Variants in FREM1 observed in about 807,000 individuals in gnomAD.
FREM1 encodes the protein FRAS1 related extracellular matrix 1, also known as FRAS1-related extracellular matrix protein 1.
FREM1 carries 220 observed loss-of-function variants against 210.1 expected under a neutral mutation model. The observed-to-expected ratio is 1.05, with a 90% confidence interval of 0.94 to 1.17. The LOEUF is 1.17. Among genes scored for constraint, FREM1 ranks in the 50% most tolerant of loss-of-function variants. The pLI is 0.00. For missense variants in FREM1, 3,454 were observed against 2,675.5 expected, an observed-to-expected ratio of 1.29 and a Z score of -6.42; for synonymous variants, 1,189 against 980.2, an observed-to-expected ratio of 1.21 and a Z score of -3.98.
At chr9:14,868,625 A>C (rs1831985299) in intron 2 of FREM1, 119 bp downstream of exon 2, 4 of 682,298 alleles carry the variant, frequency 5.9e-6, no homozygotes, top group Middle Eastern at 2.5e-4. Flanking sequence ...ACATCTTCTA[A>C]TACTCGTCTT....
At position 14,737,370 on chromosome 9, in the gene FREM1, G is replaced by A. The variant is rs1200830434; in HGVS notation, c.*26C>T. 1 of 1,572,086 alleles carries A rather than the reference G, an allele frequency of 6.4e-7. No individual in the cohort carries two copies. Among genetic ancestry groups the A allele is most frequent in the South Asian group, 1.1e-5 (1 of 87,850 alleles). On this transcript the variant is annotated 3_prime_UTR_variant, in exon 37 of 37. Coordinates refer to ENST00000380880, the MANE Select transcript of FREM1 (RefSeq NM_001379081.2). Reference sequence around the variant, plus strand: ...TGAATAAATAGGTGACAAACTCCAGGTGGCCCCCTGTAGGGTCTGTTATAT... The same window carrying A: ...TGAATAAATAGGTGACAAACTCCAGATGGCCCCCTGTAGGGTCTGTTATAT...
intron 1 of FREM1, among the ~76,000 whole-genome samples, chr9:14,889,819 TGAATATAA>T (rs1359117227): frequency 6.6e-6 from 1 of 152,142 alleles, no homozygotes; most frequent in African/African-American, 2.4e-5. Context: ...TAAAATTTAT[TGAATATAA>T]GTGCCATGTG....
rs1470486327 is a variant in FREM1 at position 14,808,099 on chromosome 9, T to G, written c.2929A>C (p.Ile977Leu). The G allele has an allele frequency of 1.9e-6, 3 of 1,612,452 alleles. No homozygotes were observed. In the Admixed American group the frequency reaches 5.0e-5, roughly 27 times the overall value. ...TCTCCATCCGAAACCACCAATGTAA[T>G]GGTGTCAAAACAAGGCATCAGGCCA... ...EIGLMPCFDT[I>L]TLVVSDGEAG... The change falls in exon 17 of 37, where the codon ATT becomes CTT. Residue 977 changes from isoleucine to leucine, a missense_variant. Coordinates refer to ENST00000380880, the MANE Select transcript of FREM1 (RefSeq NM_001379081.2).
chr9:14,781,165 G>C (rs886430147), intron 24 of FREM1, among the ~76,000 whole-genome samples: 3 of 152,138 alleles, frequency 2.0e-5, no homozygotes, highest in Non-Finnish European at 4.4e-5. Context: ...TTGCCTCTTG[G>C]AACCTTGGTT....
chr9:14,879,562 A>C (rs1302827262), intron 1 of FREM1, among the ~76,000 whole-genome samples: 1 of 152,242 alleles, frequency 6.6e-6, no homozygotes, highest in Non-Finnish European at 1.5e-5. Context: ...TCCATAGTGG[A>C]AACTGCAAGC....
chr9:14,814,967 C>CA lies in FREM1; in HGVS notation c.2640+1810dup, dbSNP rs548937866. Among the ~76,000 whole-genome samples, 345 of 152,134 alleles carry CA rather than the reference C, an allele frequency of 2.3e-3. 3 individuals carry two copies. Among genetic ancestry groups the CA allele is most frequent in the African/African-American group, 8.1e-3 (335 of 41,524 alleles). On this transcript the variant is annotated intron_variant, in intron 15 of 36. Transcript: ENST00000380880. The stretch of plus-strand genomic sequence containing the variant: ...TTTCCCCACAAATTTGCTTTTCAGA[C>CA]AAAAAAAGTAACTCAGAAAGTTTTG...
chr9:14,768,921 G>C (rs1018283142), intron 27 of FREM1, among the ~76,000 whole-genome samples: 24 of 151,952 alleles, frequency 1.6e-4, no homozygotes, highest in African/African-American at 4.8e-4. Flanking sequence ...CTTTTCTTTG[G>C]GGTTTCTGGG....
At chr9:14,846,369 G>C (rs1826617521) in intron 7 of FREM1, among the ~76,000 whole-genome samples, 1 of 152,136 alleles carries the variant, frequency 6.6e-6, no homozygotes. Context: ...GGGGGTAGAG[G>C]GGAAAGGGGA....
rs575077313 is a variant in FREM1 at position 14,873,763 on chromosome 9, G to T, written c.-267-4519C>A. On this transcript the variant is annotated intron_variant, in intron 1 of 36. Transcript: ENST00000380880. The stretch of plus-strand genomic sequence containing the variant: ...TAGTTCTTTAAATTGTGATGTTAGG[G>T]TGTCAATTTTGGATCTTTCCTGCTT... Among the ~76,000 whole-genome samples the T allele has an allele frequency of 2.0e-5, 3 of 152,200 alleles. No homozygotes were observed. The East Asian group carries it at 5.8e-4, about 29-fold the overall frequency.
Position 14,859,065 on chromosome 9 carries a change from G to A in FREM1, c.631+118C>T, listed in dbSNP as rs1369690161. ...GTGCTCTTAACCACTAACTGACACT[G>A]TTCAGCCAGCTAAAATGACTAGTTA... On this transcript the variant is annotated intron_variant, in intron 4 of 36. Coordinates refer to ENST00000380880, the MANE Select transcript of FREM1 (RefSeq NM_001379081.2). 22 of 801,018 alleles carry A rather than the reference G, an allele frequency of 2.7e-5. 1 individual carries two copies. In the South Asian group the frequency reaches 4.0e-4, roughly 15 times the overall value. The allele number at this position is 801,018 out of a possible 1,614,324, so 49.6% of individuals were successfully genotyped here.
intron 27 of FREM1, among the ~76,000 whole-genome samples, chr9:14,764,072 A>G (rs953525482): frequency 2.0e-5 from 3 of 152,164 alleles, no homozygotes; most frequent in African/African-American, 7.2e-5. Flanking sequence ...TAACTGAATC[A>G]TGGGGGTGGT....
At chr9:14,840,591 A>T (rs1373427641) in intron 10 of FREM1, among the ~76,000 whole-genome samples, 1 of 151,938 alleles carries the variant, frequency 6.6e-6, no homozygotes, top group Non-Finnish European at 1.5e-5. Context: ...GGAAAAACCC[A>T]CCCCCATGAT....
intron 22 of FREM1, among the ~76,000 whole-genome samples, chr9:14,791,629 G>C (rs4740588): frequency 2.0e-5 from 3 of 152,072 alleles, no homozygotes; most frequent in Admixed American, 6.5e-5. Flanking sequence ...CTGAACTTTC[G>C]TCTTTTAAGT....
intron 16 of FREM1, among the ~76,000 whole-genome samples, chr9:14,812,360 T>A (rs745483464): frequency 3.9e-5 from 6 of 152,170 alleles, no homozygotes; most frequent in Non-Finnish European, 8.8e-5. Context: ...GGTAAGACAT[T>A]ATCGTTACTT....
intron 36 of FREM1, among the ~76,000 whole-genome samples, chr9:14,739,009 C>CA (rs386414499): frequency 0.29 from 25,683 of 87,654 alleles, 4,859 homozygotes; most frequent in South Asian, 0.39. Flanking sequence ...GATTCTGTCT[C>CA]AAAAAAAAAA....
Position 14,860,572 on chromosome 9 carries a change from C to CATATATATATACACATATATATACACAT in FREM1, c.330-1089_330-1088insATGTGTATATATATGTGTATATATATAT, listed in dbSNP as rs759870876. Among the ~76,000 whole-genome samples the CATATATATATACACATATATATACACAT allele has an allele frequency of 7.0e-4, 62 of 88,006 alleles. 4 individuals carry two copies. The highest frequency in any genetic ancestry group is 2.8e-3 in the African/African-American group (58 of 20,800). 57.7% of individuals were successfully genotyped at this position (88,006 alleles called of 152,430 possible). The stretch of plus-strand genomic sequence containing the variant: ...ATATATATACACACATATATATACA[C>CATATATATATACACATATATATACACAT]ATATATATACACATATATATACATA... On this transcript the variant is annotated intron_variant, in intron 3 of 36. Coordinates refer to ENST00000380880, the MANE Select transcript of FREM1 (RefSeq NM_001379081.2).
Position 14,868,765 on chromosome 9 carries a change from C to T in FREM1, c.213G>A (p.Arg71=). 1.2e-6 allele frequency: 2 copies of T among 1,611,642 alleles called. No homozygotes were observed. Among genetic ancestry groups the T allele is most frequent in the Non-Finnish European group, 8.5e-7 (1 of 1,178,812 alleles). The part of the protein sequence containing the change: ...EVVMNEPITQ[R]VGKLTPQVFD... ...CTACCTGTGGAGTGAGTTTCCCAAC[C>T]CTCTGGGTTATTGGCTCATTCATCA... The change falls in exon 2 of 37, where the codon AGG becomes AGA. Residue 71 remains arginine, a synonymous_variant. Transcript: ENST00000380880.
At chr9:14,889,868 CAGAA>C (rs1194860778) in intron 1 of FREM1, among the ~76,000 whole-genome samples, 1 of 152,062 alleles carries the variant, frequency 6.6e-6, no homozygotes, top group Non-Finnish European at 1.5e-5. Context: ...AAAATGAAGA[CAGAA>C]AGAAACATTA....
At chr9:14,871,356 G>A (rs1438519235) in intron 1 of FREM1, among the ~76,000 whole-genome samples, 2 of 152,180 alleles carry the variant, frequency 1.3e-5, no homozygotes, top group Non-Finnish European at 2.9e-5. Context: ...TCTAACTGGT[G>A]TGAGATGGTA....
Sources: gnomAD v4.1 joint callset for allele counts (sites outside exome capture counted in the v4.1 genomes callset) on GRCh38, gnomAD v4.1.1 for gene constraint, MANE v1.5 for transcripts, NCBI Gene and HGNC (gene_info 2026-07-23, HGNC 2026-07-21) for gene names.